TKFC: variants seen among roughly 807,000 people sequenced by gnomAD.
TKFC encodes triokinase and FMN cyclase, also known as triokinase/FMN cyclase.
A neutral mutation model predicts 61.0 loss-of-function variants in TKFC; 46 were observed. That is an observed-to-expected ratio of 0.75 (90% confidence interval 0.60 to 0.96). The LOEUF (loss-of-function observed/expected upper bound fraction) is 0.96, where lower values mean the gene tolerates loss of function less well. Ranked by LOEUF, TKFC falls within the 50% of genes least tolerant of loss-of-function variation. The pLI is 0.00. For missense variants in TKFC, 715 were observed against 777.5 expected (o/e 0.92, Z 0.96); for synonymous variants, 314 against 330.1 (o/e 0.95, Z 0.53).
chr11:61,352,228 C>A (rs1408382593), downstream of TKFC: 1 of 152,380 alleles, frequency 6.6e-6, no homozygotes, highest in African/African-American at 2.4e-5. Context: ...TAGAGTCAGA[C>A]TGCCTAATCT....
Position 61,340,328 on chromosome 11 carries a change from T to TATGGTCTATTCACGCCAGC in TKFC, c.486+893_486+894insATGGTCTATTCACGCCAGC, listed in dbSNP as rs774804590. Among the ~76,000 whole-genome samples, 18 of 38,110 alleles carry TATGGTCTATTCACGCCAGC rather than the reference T, an allele frequency of 4.7e-4. 3 individuals are homozygous for TATGGTCTATTCACGCCAGC. The highest frequency in any genetic ancestry group is 1.2e-3 in the South Asian group (1 of 862). The allele number at this position is 38,110 out of a possible 152,430, so 25.0% of individuals were successfully genotyped here. On this transcript the variant is annotated intron_variant, in intron 5 of 17. Coordinates refer to ENST00000394900, the MANE Select transcript of TKFC (RefSeq NM_015533.4). ...CGCCCAGCCATCCCTGCCTTCCTCT[T>TATGGTCTATTCACGCCAGC]TTTTTTTTTTTTTTTTTTTTTTTTT... is the stretch of plus-strand genomic sequence containing the variant.
intron 4 of TKFC, 31 bp from the exon 5 acceptor site, chr11:61,339,223 G>A (rs1305343250): frequency 6.2e-7 from 1 of 1,611,980 alleles, no homozygotes; most frequent in Non-Finnish European, 8.5e-7. Context: ...GGCACAGTAA[G>A]CACACTGAGC....
Position 61,348,625 on chromosome 11 carries a change from AC to A in TKFC, c.*2124del. 2.2e-6 allele frequency: 1 copy of A among 460,300 alleles called. No homozygotes were observed. Among genetic ancestry groups the A allele is most frequent in the Non-Finnish European group, 2.9e-6 (1 of 349,984 alleles). 28.5% of individuals were successfully genotyped at this position (460,300 alleles called of 1,614,324 possible). A position where few individuals can be genotyped will look rare whatever the true frequency, so the allele number is the denominator to read the frequency against. On this transcript the variant is annotated 3_prime_UTR_variant, in exon 18 of 18. Coordinates refer to ENST00000394900, the MANE Select transcript of TKFC (RefSeq NM_015533.4). ...CCCAGAGAGCTCTCACGCCCTTTCC[AC>A]CATGTGAGGTTATGGTGAGAAGATG...
In TKFC at chr11:61,343,598, C is replaced by T. The variant is rs991176257; in HGVS notation, c.982+140C>T. ...TGAAGAAGGCTCTTCCTGGGCTTCT[C>T]CAGCCTTCTCCAGCTCTCACTGGAC... On this transcript the variant is annotated intron_variant, in intron 11 of 17. Coordinates refer to ENST00000394900, the MANE Select transcript of TKFC (RefSeq NM_015533.4). 4.6e-6 allele frequency: 4 copies of T among 867,662 alleles called. No individual in the cohort carries two copies. The Admixed American group carries it at 7.3e-5, about 16-fold the overall frequency. The allele number at this position is 867,662 out of a possible 1,614,324, so 53.7% of individuals were successfully genotyped here.
At chr11:61,333,659 G>C (rs1205185592) in intron 1 of TKFC, 1 of 152,136 alleles carries the variant, frequency 6.6e-6, no homozygotes, top group African/African-American at 2.4e-5. Flanking sequence ...CGGTCTGCTT[G>C]CCCAACGTTA....
chr11:61,341,742 C>G, intron 6 of TKFC, 81 bp from the exon 7 acceptor site: 3 of 1,408,480 alleles, frequency 2.1e-6, no homozygotes, highest in Non-Finnish European at 3.0e-6. Flanking sequence ...TGGGCAGGGC[C>G]TCTGAGATGC....
At position 61,346,813 on chromosome 11, in the gene TKFC, C is replaced by T. The variant is rs1279562297; in HGVS notation, c.*310C>T. On this transcript the variant is annotated 3_prime_UTR_variant, in exon 18 of 18. Coordinates refer to ENST00000394900, the MANE Select transcript of TKFC (RefSeq NM_015533.4). The surrounding 1 kb of genome is among the most constrained non-coding windows in gnomAD (Gnocchi z 4.1). ...GGCATTTTCCTTGTGCAGCCTTTAC[C>T]TGGCAATCCTAATTTGGTTTTAAGA... is the stretch of plus-strand genomic sequence containing the variant. 2 of 1,127,652 alleles carry T rather than the reference C, an allele frequency of 1.8e-6. No individual in the cohort carries two copies. The highest frequency in any genetic ancestry group is 2.2e-6 in the Non-Finnish European group (2 of 920,720). 69.9% of individuals were successfully genotyped at this position (1,127,652 alleles called of 1,614,324 possible).
rs368350098 is a variant in TKFC, at chr11:61,346,432, G to C, written c.1657G>C (p.Glu553Gln). The C allele has an allele frequency of 9.3e-6, 15 of 1,611,596 alleles. No individual in the cohort carries two copies. The highest frequency in any genetic ancestry group is 1.6e-4 in the Middle Eastern group (1 of 6,080). The change falls in exon 18 of 18, where the codon GAG (glutamate) becomes CAG (glutamine). Residue 553 changes from glutamate (E) to glutamine (Q), a missense_variant. Transcript: ENST00000394900. This position sits in a 1 kb window ranked among gnomAD's most constrained non-coding sequence, Gnocchi z 4.1. ...RASYISSARL[E>Q]QPDPGAVAAA... is the part of the protein sequence containing the mutation. The stretch of plus-strand genomic sequence containing the variant: ...CAGTTATATCAGCTCAGCACGGCTG[G>C]AGCAGCCAGACCCCGGGGCGGTGGC...
downstream of TKFC, chr11:61,349,529 G>T: frequency 1.4e-6 from 1 of 702,832 alleles, no homozygotes; most frequent in South Asian, 1.5e-5. Context: ...GGACATCTGG[G>T]GACAGGCTCT....
Position 61,344,060 on chromosome 11 carries a change from C to T in TKFC, c.1103-76C>T, listed in dbSNP as rs929613518. On this transcript the variant is annotated intron_variant, in intron 12 of 17. Transcript: ENST00000394900. ...TGGGGCGGGTAGGGGCCCTGGCACC[C>T]ACACCTCCCACCATAGTCAAGTGTG... The T allele has an allele frequency of 2.0e-5, 32 of 1,599,092 alleles. 1 individual carries two copies. The African/African-American group carries it at 4.0e-4, about 20-fold the overall frequency.
In TKFC at chr11:61,347,783, T is replaced by G. The variant is rs1857212597; in HGVS notation, c.*1280T>G. On this transcript the variant is annotated 3_prime_UTR_variant, in exon 18 of 18. Transcript: ENST00000394900. Reference sequence around the variant, plus strand: ...GGAGCTAAGGCCTATTTTTTAGCCCTTTGGGATCTGTAAAATCAGAATGGT... The same window carrying G: ...GGAGCTAAGGCCTATTTTTTAGCCCGTTGGGATCTGTAAAATCAGAATGGT... 1.0e-6 allele frequency: 1 copy of G among 978,296 alleles called. No homozygotes were observed. The highest frequency in any genetic ancestry group is 1.2e-6 in the Non-Finnish European group (1 of 823,606). The allele number at this position is 978,296 out of a possible 1,614,324, so 60.6% of individuals were successfully genotyped here.
chr11:61,350,654 C>T (rs1857357852), downstream of TKFC: 79 of 607,612 alleles, frequency 1.3e-4, 1 homozygote, highest in South Asian at 1.7e-3. Context: ...ACTAGACTAG[C>T]CCCCAGGCTG....
In TKFC at chr11:61,339,269, TCGTGA is replaced by T; in HGVS notation, c.321_325del (p.Val108GlufsTer19). On this transcript the variant is annotated frameshift_variant, in exon 5 of 18. Coordinates refer to ENST00000394900, the MANE Select transcript of TKFC (RefSeq NM_015533.4). ...GCTCCCGCAGTGGGGACGCTCCTTA[TCGTGA>T]AGAACTACACTGGGGATCGGCTCAA... The T allele has an allele frequency of 6.2e-7, 1 of 1,613,468 alleles. No individual in the cohort carries two copies. The highest frequency in any genetic ancestry group is 8.5e-7 in the Non-Finnish European group (1 of 1,179,752).
rs565481152 is a variant in TKFC at position 61,342,609 on chromosome 11, C to T, written c.726C>T (p.Leu242=). The stretch of plus-strand genomic sequence containing the variant: ...CCGATGAGATTGTGAAACTCATGCT[C>T]GACCACATGACAAACACCACCAACG... ...ATADEIVKLM[L]DHMTNTTNAS... Residue 242 remains leucine (L), a synonymous_variant, in exon 9 of 18, where the codon CTC becomes CTT. Coordinates refer to ENST00000394900, the MANE Select transcript of TKFC (RefSeq NM_015533.4). 46 of 1,613,928 alleles carry T rather than the reference C, an allele frequency of 2.9e-5. No homozygotes were observed. The highest frequency in any genetic ancestry group is 5.3e-5 in the African/African-American group (4 of 74,948).
chr11:61,348,347 G>C lies in TKFC; in HGVS notation c.*1844G>C, dbSNP rs202238008. 1 of 380,728 alleles carries C rather than the reference G, an allele frequency of 2.6e-6. No homozygotes were observed. The allele number at this position is 380,728 out of a possible 1,614,324, so 23.6% of individuals were successfully genotyped here. A position where few individuals can be genotyped will look rare whatever the true frequency, so the allele number is the denominator to read the frequency against. On this transcript the variant is annotated 3_prime_UTR_variant, in exon 18 of 18. Coordinates refer to ENST00000394900, the MANE Select transcript of TKFC (RefSeq NM_015533.4). ...GAATCCACACATGCCATTCCATGAA[G>C]ACAGAGGATCATGTGGATCTTTGGT...
chr11:61,334,377 G>A, intron 1 of TKFC: 1 of 254,954 alleles, frequency 3.9e-6, no homozygotes. Context: ...GATGAAGTGG[G>A]TGCTGTTCCT....
intron 12 of TKFC, 32 bp from the exon 13 acceptor site, chr11:61,344,104 T>C (rs1565055804): frequency 6.2e-7 from 1 of 1,610,304 alleles, no homozygotes; most frequent in East Asian, 2.2e-5. Flanking sequence ...AAGGGCCTGG[T>C]GGGCCTGTTC....
At chr11:61,350,963 C>T (rs771943402), downstream of TKFC, 10 of 1,603,824 alleles carry the variant, frequency 6.2e-6, no homozygotes, top group Non-Finnish European at 8.5e-6. Flanking sequence ...CCCTGTCCCA[C>T]CCTGGAATGT....
chr11:61,351,274 A>C, downstream of TKFC: 1 of 947,610 alleles, frequency 1.1e-6, no homozygotes, highest in Non-Finnish European at 1.4e-6. Context: ...CTAGAATTTT[A>C]ACACCCTTTC....
Sources: allele counts gnomAD v4.1 joint callset (sites outside exome capture counted in the v4.1 genomes callset), GRCh38; gene constraint gnomAD v4.1.1; non-coding constraint Gnocchi (gnomAD v3.1); transcripts MANE v1.5; gene names NCBI Gene and HGNC (gene_info 2026-07-23, HGNC 2026-07-21).